Variants in TAF4B observed in about 807,000 individuals in gnomAD.
The protein encoded by TAF4B is TATA-box binding protein associated factor 4b.
Under a neutral mutation model 86.4 loss-of-function variants are expected in TAF4B, and 38 were observed. That is an observed-to-expected ratio of 0.44 (90% confidence interval 0.34 to 0.58). The LOEUF (loss-of-function observed/expected upper bound fraction) is 0.58, where lower values mean the gene tolerates loss of function less well. Among genes scored for constraint, TAF4B ranks in the 20% least tolerant of loss-of-function variants. TAF4B has a pLI of 0.02. For synonymous variants in TAF4B, 388 were observed against 391.2 expected (o/e 0.99, Z 0.10); for missense variants, 988 against 1,027.6 (o/e 0.96, Z 0.53).
chr18:26,311,612 C>T (rs2056854773), intron 9 of TAF4B, among the ~76,000 whole-genome samples: 1 of 152,074 alleles, frequency 6.6e-6, no homozygotes, highest in Non-Finnish European at 1.5e-5. Flanking sequence ...CAAAACGAGA[C>T]TCAGTCTCAA....
chr18:26,320,939 G>GA (rs778431229), intron 10 of TAF4B, 131 bp from the exon 11 acceptor site: 20 of 1,127,576 alleles, frequency 1.8e-5, no homozygotes, highest in Non-Finnish European at 2.4e-5. Flanking sequence ...ACTTTACTAG[G>GA]AAAATCATAA....
chr18:26,268,749 G>T (rs911325661), intron 3 of TAF4B, among the ~76,000 whole-genome samples: 2 of 152,110 alleles, frequency 1.3e-5, no homozygotes, highest in Non-Finnish European at 2.9e-5. Context: ...TGTCTTTCCT[G>T]CTGGATCATG....
chr18:26,292,407 A>G (rs758404706), intron 8 of TAF4B, 26 bp downstream of exon 8: 1 of 1,597,562 alleles, frequency 6.3e-7, no homozygotes, highest in Non-Finnish European at 8.5e-7. Context: ...TCTCAGTCCC[A>G]TCATGCTGGG....
intron 1 of TAF4B, among the ~76,000 whole-genome samples, chr18:26,227,500 C>T (rs940041299): frequency 1.3e-5 from 2 of 152,128 alleles, no homozygotes; most frequent in African/African-American, 4.8e-5. Flanking sequence ...GCTACATCAG[C>T]GTATTCGGGG....
chr18:26,227,275 A>C lies in TAF4B; in HGVS notation c.342A>C (p.Pro114=). 6.2e-7 allele frequency: 1 copy of C among 1,611,884 alleles called. No individual in the cohort carries two copies. The highest frequency in any genetic ancestry group is 8.5e-7 in the Non-Finnish European group (1 of 1,179,082). ...IQFPANLQLP[P]GTVLIKSNSG... ...TTCCTGCTAATTTGCAGCTTCCTCC[A>C]GGTATGTTGATAACCCTTTCCAGCC... The change falls in exon 1 of 15, where the codon CCA becomes CCC. Residue 114 remains proline, a splice_region_variant and synonymous_variant. Transcript: ENST00000269142.
chr18:26,361,426 A>C (rs1368403657), intron 14 of TAF4B, among the ~76,000 whole-genome samples: 8 of 150,694 alleles, frequency 5.3e-5, no homozygotes, highest in Non-Finnish European at 1.0e-4. Flanking sequence ...TCTTGGCCCC[A>C]AATCTTAATA....
At chr18:26,262,327 A>G (rs1263320021) in intron 1 of TAF4B, among the ~76,000 whole-genome samples, 1 of 151,982 alleles carries the variant, frequency 6.6e-6, no homozygotes, top group Non-Finnish European at 1.5e-5. Context: ...CACTCCCTGG[A>G]ATGGAATTTC....
intron 13 of TAF4B, among the ~76,000 whole-genome samples, chr18:26,352,143 A>G (rs1416409133): frequency 6.6e-6 from 1 of 152,116 alleles, no homozygotes; most frequent in Non-Finnish European, 1.5e-5. Flanking sequence ...ACATACAGAA[A>G]ACAAAATGAT....
rs769679921 is a variant in TAF4B at position 26,321,176 on chromosome 18, T to C, written c.2109T>C (p.Ala703=). 4 of 1,613,756 alleles carry C rather than the reference T, an allele frequency of 2.5e-6. No homozygotes were observed. Among genetic ancestry groups the C allele is most frequent in the Middle Eastern group, 1.7e-4 (1 of 6,058 alleles). Residue 703 remains alanine (A), a synonymous_variant, in exon 11 of 15, where the codon GCT becomes GCC. Transcript: ENST00000269142. The part of the protein sequence containing the change: ...RGLLEKLTAI[A]QHRMTTYKAS... ...TTCTAGAAAAACTGACTGCAATTGC[T>C]CAGCATCGAATGACTACTTACAAGG...
intron 6 of TAF4B, 24 bp from the exon 7 acceptor site, chr18:26,285,858 T>G: frequency 6.3e-7 from 1 of 1,583,336 alleles, no homozygotes; most frequent in African/African-American, 1.4e-5. Flanking sequence ...AGCAGTGTTT[T>G]TTTCCATTCC....
At chr18:26,336,500 G>A (rs1174100678) in intron 13 of TAF4B, among the ~76,000 whole-genome samples, 3 of 152,094 alleles carry the variant, frequency 2.0e-5, no homozygotes, top group East Asian at 1.9e-4. Flanking sequence ...CTGGGTGGAG[G>A]GATTTCAGGA....
At chr18:26,269,487 A>T (rs561265537) in intron 3 of TAF4B, among the ~76,000 whole-genome samples, 1 of 152,290 alleles carries the variant, frequency 6.6e-6, no homozygotes, top group African/African-American at 2.4e-5. Flanking sequence ...TGATGAAACC[A>T]GTGGATCTGA....
chr18:26,385,679 G>GTTTTTTTTTTTTTTTTTTTT (rs34188640), intron 14 of TAF4B, among the ~76,000 whole-genome samples: 1 of 109,786 alleles, frequency 9.1e-6, no homozygotes. Context: ...AATAAACAGC[G>GTTTTTTTTTTTTTTTTTTTT]TTTTTTTTTT....
chr18:26,246,732 A>G (rs956257005), intron 1 of TAF4B, among the ~76,000 whole-genome samples: 6 of 151,576 alleles, frequency 4.0e-5, no homozygotes, highest in Non-Finnish European at 5.9e-5. Flanking sequence ...GGGGCTTCAC[A>G]ATATTGGCCA....
rs560925028 is a variant in TAF4B, at chr18:26,255,589, C to A, written c.344-9581C>A. 259 of 591,930 alleles carry A rather than the reference C, an allele frequency of 4.4e-4. 9 individuals carry two copies. The South Asian group carries it at 5.3e-3, about 12-fold the overall frequency. 36.7% of individuals were successfully genotyped at this position (591,930 alleles called of 1,614,324 possible). ...TGCACTCCAGCCTGGACAACAAGAG[C>A]AAAACTCTGTCTCCAAAAAAAAAAA... On this transcript the variant is annotated intron_variant, in intron 1 of 14. Coordinates refer to ENST00000269142, the MANE Select transcript of TAF4B (RefSeq NM_005640.3).
At position 26,246,502 on chromosome 18, in the gene TAF4B, T is replaced by C. The variant is rs2055926087; in HGVS notation, c.344-18668T>C. ...TCCCAGCTCTACCACTTGATAGCTT[T>C]GTAATCTAGGCAAGTTATTAATCTC... On this transcript the variant is annotated intron_variant, in intron 1 of 14. Transcript: ENST00000269142. Among the ~76,000 whole-genome samples, 4 of 152,026 alleles carry C rather than the reference T, an allele frequency of 2.6e-5. 1 individual carries two copies. Among genetic ancestry groups the C allele is most frequent in the African/African-American group, 9.7e-5 (4 of 41,424 alleles).
At chr18:26,254,634 T>A (rs1471061781) in intron 1 of TAF4B, among the ~76,000 whole-genome samples, 1 of 152,218 alleles carries the variant, frequency 6.6e-6, no homozygotes, top group Non-Finnish European at 1.5e-5. Context: ...GCACATTTTT[T>A]CAGATAGCTT....
At chr18:26,343,166 C>A (rs1210121438) in intron 13 of TAF4B, among the ~76,000 whole-genome samples, 1 of 152,168 alleles carries the variant, frequency 6.6e-6, no homozygotes, top group Non-Finnish European at 1.5e-5. Flanking sequence ...CCCCATTCTT[C>A]CTACTGCTTG....
rs1365946505 is a variant in TAF4B, at chr18:26,315,025, G to C, written c.1833-204G>C. On this transcript the variant is annotated intron_variant, in intron 9 of 14. Transcript: ENST00000269142. Reference sequence around the variant, plus strand: ...AAGGTAGCCATTCTTCACTTCTCTTGATTGGATGAATTAAGTAAAATAATG... The same window carrying C: ...AAGGTAGCCATTCTTCACTTCTCTTCATTGGATGAATTAAGTAAAATAATG... Among the ~76,000 whole-genome samples, 3 of 150,620 alleles carry C rather than the reference G, an allele frequency of 2.0e-5. No individual in the cohort carries two copies. In the East Asian group the frequency reaches 6.0e-4, roughly 30 times the overall value.
Sources: gnomAD v4.1 joint callset for allele counts (sites outside exome capture counted in the v4.1 genomes callset) on GRCh38, gnomAD v4.1.1 for gene constraint, MANE v1.5 for transcripts, NCBI Gene and HGNC (gene_info 2026-07-23, HGNC 2026-07-21) for gene names.